Variants in ACBD6 observed in about 807,000 individuals in gnomAD.
ACBD6 encodes the protein acyl-CoA-binding domain-containing protein 6.
Under a neutral mutation model 37.2 loss-of-function variants are expected in ACBD6, and 28 were observed. That is an observed-to-expected ratio of 0.75 (90% CI 0.56 to 1.03). The LOEUF (loss-of-function observed/expected upper bound fraction) is 1.03. Among genes scored for constraint, ACBD6 ranks in the 50% least tolerant of loss-of-function variants. ACBD6 has a pLI of 0.00. For missense variants in ACBD6, 340 were observed against 337.4 expected (o/e 1.01, Z -0.06); for synonymous variants, 113 against 126.8 (o/e 0.89, Z 0.73).
chr1:180,492,393 T>G (rs1571579583), intron 2 of ACBD6, 28 bp from the exon 3 acceptor site: 13 of 1,517,262 alleles, frequency 8.6e-6, no homozygotes, highest in Middle Eastern at 1.7e-4. Context: ...CAAAATGGCC[T>G]GTCATTATGC....
chr1:180,430,864 A>G (rs1648786089), intron 3 of ACBD6, among the ~76,000 whole-genome samples: 1 of 152,144 alleles, frequency 6.6e-6, no homozygotes, highest in African/African-American at 2.4e-5. Context: ...ACACAAGAGT[A>G]AAATTAATTT....
At position 180,347,397 on chromosome 1, in the gene ACBD6, C is replaced by A. The variant is rs557536111; in HGVS notation, c.664-32675G>T. ...TTTTTTTTTTTGAGACAGAGTCATG[C>A]TTTGTCGGCTAGGCTGGAGTAAAGT... On this transcript the variant is annotated intron_variant, in intron 6 of 7. Coordinates refer to ENST00000367595, the MANE Select transcript of ACBD6 (RefSeq NM_032360.4). Among the ~76,000 whole-genome samples, 81 of 115,806 alleles carry A rather than the reference C, an allele frequency of 7.0e-4. 1 individual carries two copies. The highest frequency in any genetic ancestry group is 8.8e-4 in the Non-Finnish European group (54 of 61,252). The allele number at this position is 115,806 out of a possible 152,430, so 76.0% of individuals were successfully genotyped here. A position where few individuals can be genotyped will look rare whatever the true frequency, so the allele number is the denominator to read the frequency against.
chr1:180,498,257 TG>T (rs1283292932), intron 1 of ACBD6, among the ~76,000 whole-genome samples: 2 of 152,322 alleles, frequency 1.3e-5, no homozygotes, highest in East Asian at 3.9e-4. Context: ...CATTTTCACT[TG>T]AAGGTTCAAA....
chr1:180,313,270 G>A (rs1018853089), intron 7 of ACBD6, among the ~76,000 whole-genome samples: 1 of 152,140 alleles, frequency 6.6e-6, no homozygotes. Context: ...AACAGGTTAT[G>A]CTAGACAAAT....
chr1:180,306,348 C>G (rs1006520929), intron 7 of ACBD6, among the ~76,000 whole-genome samples: 6 of 152,082 alleles, frequency 3.9e-5, no homozygotes, highest in Non-Finnish European at 7.4e-5. Flanking sequence ...GTTCAAGGGT[C>G]AACTGTATAT....
chr1:180,426,183 T>C (rs1049445597), intron 4 of ACBD6, among the ~76,000 whole-genome samples: 9 of 152,204 alleles, frequency 5.9e-5, no homozygotes, highest in Non-Finnish European at 1.5e-5. Context: ...TTAGAGAAGG[T>C]CCAGATGGCT....
chr1:180,429,335 C>A (rs1648722496), intron 4 of ACBD6, among the ~76,000 whole-genome samples: 1 of 152,088 alleles, frequency 6.6e-6, no homozygotes, highest in African/African-American at 2.4e-5. Flanking sequence ...CTCTAAATAC[C>A]TTATGTAAGT....
At chr1:180,406,463 ATTATAC>A (rs1197384504) in intron 5 of ACBD6, among the ~76,000 whole-genome samples, 5 of 152,138 alleles carry the variant, frequency 3.3e-5, no homozygotes, top group Non-Finnish European at 2.9e-5. Flanking sequence ...TACACTAGGA[ATTATAC>A]TTATGTACAA....
chr1:180,335,913 G>C (rs1042662572), intron 6 of ACBD6, among the ~76,000 whole-genome samples: 38 of 148,100 alleles, frequency 2.6e-4, no homozygotes, highest in African/African-American at 8.8e-4. Context: ...AAGAGACAAA[G>C]AAGGCCATTA....
At chr1:180,447,440 C>T (rs66619942) in intron 3 of ACBD6, among the ~76,000 whole-genome samples, 16,326 of 152,126 alleles carry the variant, frequency 0.11, 1,281 homozygotes, top group African/African-American at 0.21. Flanking sequence ...TACCACCCCA[C>T]AATAGAATTT....
intron 6 of ACBD6, among the ~76,000 whole-genome samples, chr1:180,391,320 T>G (rs534363651): frequency 6.6e-6 from 1 of 152,252 alleles, no homozygotes; most frequent in South Asian, 2.1e-4. Context: ...TCATAAAAAT[T>G]TAAAACTTTT....
At chr1:180,475,779 T>A (rs1403454839) in intron 3 of ACBD6, among the ~76,000 whole-genome samples, 1 of 152,168 alleles carries the variant, frequency 6.6e-6, no homozygotes, top group East Asian at 1.9e-4. Flanking sequence ...GTTTCCAGTT[T>A]GGGGTTATTA....
rs1652024774 is a variant in ACBD6, at chr1:180,502,412, G to A, written c.-146C>T. ...GCTCAGTCGCGGCGCGCTCCCTCAC[G>A]TGACCCTGCTCCCTGCCCACTTCTA... is the stretch of plus-strand genomic sequence containing the variant. On this transcript the variant is annotated 5_prime_UTR_variant, in exon 1 of 8. It adds an upstream start codon to the 5' untranslated region. Coordinates refer to ENST00000367595, the MANE Select transcript of ACBD6 (RefSeq NM_032360.4). 4 of 849,778 alleles carry A rather than the reference G, an allele frequency of 4.7e-6. No homozygotes were observed. Among genetic ancestry groups the A allele is most frequent in the African/African-American group, 1.7e-5 (1 of 60,030 alleles). The allele number at this position is 849,778 out of a possible 1,614,324, so 52.6% of individuals were successfully genotyped here.
At chr1:180,345,873 T>A (rs926427009) in intron 6 of ACBD6, among the ~76,000 whole-genome samples, 5 of 152,230 alleles carry the variant, frequency 3.3e-5, no homozygotes, top group African/African-American at 1.2e-4. Flanking sequence ...CTGATATTTC[T>A]ATTATGAACA....
intron 6 of ACBD6, among the ~76,000 whole-genome samples, chr1:180,378,443 A>C (rs756650240): frequency 1.3e-5 from 2 of 152,220 alleles, no homozygotes; most frequent in Admixed American, 6.5e-5. Flanking sequence ...TCTGTAATTT[A>C]AACAATAGTA....
intron 9 of ACBD6, chr1:180,279,022 G>GT (rs974343760): frequency 1.4e-4 from 21 of 152,100 alleles, no homozygotes; most frequent in African/African-American, 4.8e-4. Context: ...TTTGCTGGAA[G>GT]TTTTTTCTCT....
chr1:180,425,607 T>C (rs1259826823), intron 4 of ACBD6, among the ~76,000 whole-genome samples: 1 of 152,220 alleles, frequency 6.6e-6, no homozygotes, highest in Non-Finnish European at 1.5e-5. Flanking sequence ...CACAAATATG[T>C]AGAACACATA....
At chr1:180,294,453 G>A (rs997548609) in intron 7 of ACBD6, among the ~76,000 whole-genome samples, 1 of 151,898 alleles carries the variant, frequency 6.6e-6, no homozygotes, top group African/African-American at 2.4e-5. Context: ...CAGGAGAATC[G>A]CTTGAACCTG....
chr1:180,451,640 A>C (rs934299854), intron 3 of ACBD6, among the ~76,000 whole-genome samples: 1 of 152,222 alleles, frequency 6.6e-6, no homozygotes, highest in African/African-American at 2.4e-5. Context: ...ACTACATGTG[A>C]TATTCCCCAT....
Sources: allele counts gnomAD v4.1 joint callset (sites outside exome capture counted in the v4.1 genomes callset), GRCh38; gene constraint gnomAD v4.1.1; transcripts MANE v1.5; gene names NCBI Gene and HGNC (gene_info 2026-07-23, HGNC 2026-07-21).